The following ZPBP variants were observed in gnomAD, a reference collection of about 807,000 sequenced individuals.
The protein encoded by ZPBP is zona pellucida binding protein.
In ZPBP, 26 loss-of-function variants were observed where a neutral mutation model predicts 44.8. The observed-to-expected ratio is 0.58, with a 90% confidence interval of 0.43 to 0.81. ZPBP has a LOEUF of 0.81. ZPBP is among the 30% of genes least tolerant of loss of function. The probability of loss-of-function intolerance (pLI) is 0.00; values close to 1 mark genes in which losing one functional copy is unlikely to be tolerated. For missense variants in ZPBP, 409 were observed against 434.0 expected, an observed-to-expected ratio of 0.94 and a Z score of 0.51; for synonymous variants, 174 against 153.2, an observed-to-expected ratio of 1.14 and a Z score of -1.00.
intron 7 of ZPBP, among the ~76,000 whole-genome samples, chr7:49,947,792 T>C (rs1170357532): frequency 1.3e-5 from 2 of 152,200 alleles, no homozygotes; most frequent in Non-Finnish European, 2.9e-5. Flanking sequence ...ATCCTTCACT[T>C]CCTGTTGGTA....
At chr7:50,058,704 A>G (rs1801090362) in intron 3 of ZPBP, among the ~76,000 whole-genome samples, 1 of 152,174 alleles carries the variant, frequency 6.6e-6, no homozygotes, top group African/African-American at 2.4e-5. Flanking sequence ...TGGATATGAG[A>G]TCACCTGACT....
chr7:49,981,522 TAA>T (rs1491118249), intron 7 of ZPBP, among the ~76,000 whole-genome samples: 1 of 41,906 alleles, frequency 2.4e-5, no homozygotes, highest in Non-Finnish European at 3.8e-5. Flanking sequence ...GTATATTATA[TAA>T]TATATATTAT....
chr7:49,981,711 T>G (rs1796983373), intron 7 of ZPBP, among the ~76,000 whole-genome samples: 1 of 95,692 alleles, frequency 1.0e-5, no homozygotes, highest in Non-Finnish European at 1.8e-5. Context: ...ATATAATATA[T>G]TATATATAAT....
intron 4 of ZPBP, among the ~76,000 whole-genome samples, chr7:50,054,670 A>G (rs1488637843): frequency 1.3e-5 from 2 of 152,128 alleles, no homozygotes; most frequent in African/African-American, 2.4e-5. Flanking sequence ...CTTGCTCAAC[A>G]CAGTAAAAAA....
intron 2 of ZPBP, among the ~76,000 whole-genome samples, chr7:49,871,448 A>G (rs961291716): frequency 6.6e-6 from 1 of 152,222 alleles, no homozygotes; most frequent in African/African-American, 2.4e-5. Flanking sequence ...AATATACTGT[A>G]TACATTCATG....
At chr7:49,916,767 C>T (rs183181452) in intron 1 of ZPBP, 10 of 152,312 alleles carry the variant, frequency 6.6e-5, no homozygotes, top group East Asian at 1.9e-4. Context: ...TGTTTGCCAA[C>T]CCAGTTGTCT....
At chr7:49,937,686 T>A in intron 7 of ZPBP, 64 bp from the exon 8 acceptor site, 1 of 1,307,618 alleles carries the variant, frequency 7.6e-7, no homozygotes, top group African/African-American at 1.5e-5. Flanking sequence ...AAATTTCCAA[T>A]CTCAATTCTT....
intron 7 of ZPBP, among the ~76,000 whole-genome samples, chr7:49,966,792 A>C (rs796297370): frequency 3.9e-5 from 6 of 152,264 alleles, no homozygotes; most frequent in African/African-American, 1.4e-4. Flanking sequence ...TCACAGATCT[A>C]GTCAAACATC....
At chr7:49,935,642 C>T (rs1794598231), downstream of ZPBP, 1 of 152,312 alleles carries the variant, frequency 6.6e-6, no homozygotes, top group Non-Finnish European at 1.5e-5. Flanking sequence ...TGTGATCCGC[C>T]AGCCTCTGCC....
At chr7:49,992,699 C>T (rs868084693) in intron 6 of ZPBP, among the ~76,000 whole-genome samples, 2 of 152,150 alleles carry the variant, frequency 1.3e-5, no homozygotes, top group Middle Eastern at 3.4e-3. Context: ...GCATTTATTG[C>T]AAGTGTACCG....
chr7:49,881,412 A>T lies in ZPBP; in HGVS notation n.509+19706T>A, dbSNP rs375029563. The stretch of plus-strand genomic sequence containing the variant: ...GTCATAGGGGAGTCTGGAATGAATG[A>T]TTTAATAGAAAGTTTAAAAAATAGA... On this transcript the variant is annotated intron_variant and non_coding_transcript_variant, in intron 2 of 2. Transcript: ENST00000465922. Among the ~76,000 whole-genome samples the T allele has an allele frequency of 3.9e-5, 6 of 152,292 alleles. No homozygotes were observed. In the East Asian group the frequency reaches 9.6e-4, roughly 24 times the overall value.
At chr7:49,944,171 G>T in intron 7 of ZPBP, 1 of 303,598 alleles carries the variant, frequency 3.3e-6, no homozygotes, top group South Asian at 3.5e-5. Context: ...TTGTAATCAT[G>T]ACTGCTTAAT....
chr7:50,078,888 A>T (rs1236031224), intron 3 of ZPBP, among the ~76,000 whole-genome samples: 2 of 147,336 alleles, frequency 1.4e-5, no homozygotes, highest in African/African-American at 5.0e-5. Flanking sequence ...CCACTAAAAA[A>T]TGGGCAAAAG....
intron 3 of ZPBP, among the ~76,000 whole-genome samples, chr7:50,058,671 G>T (rs1801087847): frequency 6.6e-6 from 1 of 151,962 alleles, no homozygotes; most frequent in Non-Finnish European, 1.5e-5. Context: ...TAAATTTGAG[G>T]TTTGCAGAAG....
At chr7:49,996,839 T>G (rs1053975435) in intron 6 of ZPBP, among the ~76,000 whole-genome samples, 1 of 152,242 alleles carries the variant, frequency 6.6e-6, no homozygotes, top group East Asian at 1.9e-4. Flanking sequence ...TATGTCAGAC[T>G]ATGCTGATGG....
chr7:50,083,711 C>T (rs2128853582), intron 2 of ZPBP, among the ~76,000 whole-genome samples: 1 of 151,900 alleles, frequency 6.6e-6, no homozygotes, highest in South Asian at 2.1e-4. Context: ...ATGTGGTAGA[C>T]AAGGTACCTA....
chr7:49,980,028 T>A (rs1159755188), intron 7 of ZPBP, among the ~76,000 whole-genome samples: 2 of 13,474 alleles, frequency 1.5e-4, no homozygotes, highest in Non-Finnish European at 2.9e-4. Flanking sequence ...TATAATTTTA[T>A]ATTATATTAT....
intron 6 of ZPBP, among the ~76,000 whole-genome samples, chr7:50,014,630 A>AT (rs1446052642): frequency 3.3e-5 from 5 of 150,798 alleles, no homozygotes; most frequent in Admixed American, 6.6e-5. Context: ...ACGCCCGGCT[A>AT]TTTTTTTTAT....
chr7:50,048,631 T>C (rs1800513452), intron 4 of ZPBP, among the ~76,000 whole-genome samples: 1 of 152,014 alleles, frequency 6.6e-6, no homozygotes, highest in African/African-American at 2.4e-5. Flanking sequence ...ATAATCTTGA[T>C]ATAAATGAAA....
Sources: gnomAD v4.1 joint callset for allele counts (sites outside exome capture counted in the v4.1 genomes callset) on GRCh38, gnomAD v4.1.1 for gene constraint, MANE v1.5 for transcripts, NCBI Gene and HGNC (gene_info 2026-07-23, HGNC 2026-07-21) for gene names.